The following LMBRD1 variants were observed in gnomAD, a reference collection of about 807,000 sequenced individuals.
LMBRD1 encodes LMBR1 domain containing 1, also known as lysosomal cobalamin transport escort protein LMBD1.
A neutral mutation model predicts 74.8 loss-of-function variants in LMBRD1; 64 were observed. That is an observed-to-expected ratio of 0.86 (90% CI 0.70 to 1.05). The LOEUF is 1.05. LMBRD1 is among the 50% of genes least tolerant of loss of function. The probability of loss-of-function intolerance (pLI) is 0.00; values close to 1 mark genes in which losing one functional copy is unlikely to be tolerated. For missense variants in LMBRD1, 652 were observed against 645.9 expected (o/e 1.01, Z -0.10); for synonymous variants, 204 against 216.3 (o/e 0.94, Z 0.50).
At chr6:69,735,305 G>A (rs755324112) in intron 7 of LMBRD1, among the ~76,000 whole-genome samples, 13 of 152,002 alleles carry the variant, frequency 8.6e-5, no homozygotes, top group Non-Finnish European at 1.8e-4. Flanking sequence ...CACCTAATAC[G>A]CACATCTTGG....
intron 5 of LMBRD1, among the ~76,000 whole-genome samples, chr6:69,743,738 A>C (rs1177315376): frequency 6.6e-6 from 1 of 152,206 alleles, no homozygotes; most frequent in African/African-American, 2.4e-5. Flanking sequence ...AATATCCATA[A>C]GTAGAACTCA....
Position 69,731,989 on chromosome 6 carries a change from AT to A in LMBRD1, c.636+5952del, listed in dbSNP as rs1401957783. 7.2e-5 allele frequency among the ~76,000 whole-genome samples: 11 copies of A among 152,306 alleles called. No individual in the cohort carries two copies. In the East Asian group the frequency reaches 1.7e-3, roughly 24 times the overall value. ...ACTAAATATAAAACAAAGATTATAA[AT>A]GATTAAGAAAAACTTGTCAGATTTT... is the stretch of plus-strand genomic sequence containing the variant. On this transcript the variant is annotated intron_variant, in intron 7 of 15. Transcript: ENST00000649934.
intron 8 of LMBRD1, among the ~76,000 whole-genome samples, chr6:69,715,641 G>T (rs1766472222): frequency 6.6e-6 from 1 of 151,946 alleles, no homozygotes; most frequent in South Asian, 2.1e-4. Context: ...CTTTCCTATG[G>T]TTTTTACTGT....
intron 2 of LMBRD1, among the ~76,000 whole-genome samples, chr6:69,785,846 A>G (rs887753589): frequency 6.6e-6 from 1 of 152,152 alleles, no homozygotes; most frequent in African/African-American, 2.4e-5. Flanking sequence ...ACCCTCAACA[A>G]TACATGTCAG....
chr6:69,705,359 A>G lies in LMBRD1; in HGVS notation c.916-3406T>C, dbSNP rs1582068141. 7.4e-6 allele frequency: 6 copies of G among 814,230 alleles called. No individual in the cohort carries two copies. The Admixed American group carries it at 8.6e-5, about 12-fold the overall frequency. The allele number at this position is 814,230 out of a possible 1,614,324, so 50.4% of individuals were successfully genotyped here. ...CAGTCATCCGGAAGCAATTCTTCATATAATTGATGAACTTGGCTTCCACTT... is the reference window on the plus strand; with the variant it reads ...CAGTCATCCGGAAGCAATTCTTCATGTAATTGATGAACTTGGCTTCCACTT... On this transcript the variant is annotated intron_variant, in intron 9 of 15. Coordinates refer to ENST00000649934, the MANE Select transcript of LMBRD1 (RefSeq NM_018368.4).
chr6:69,736,196 C>T (rs148370100), intron 7 of LMBRD1, among the ~76,000 whole-genome samples: 1 of 152,286 alleles, frequency 6.6e-6, no homozygotes, highest in African/African-American at 2.4e-5. Context: ...AATTGACCCC[C>T]CCTCCGCCGA....
chr6:69,697,442 A>G, intron 14 of LMBRD1, 121 bp downstream of exon 14: 1 of 726,016 alleles, frequency 1.4e-6, no homozygotes. Flanking sequence ...ACCAACCTCT[A>G]CTTGCTAAAA....
chr6:69,730,490 T>C (rs1005264222), intron 7 of LMBRD1, among the ~76,000 whole-genome samples: 2 of 152,216 alleles, frequency 1.3e-5, no homozygotes, highest in South Asian at 2.1e-4. Context: ...TTAATATCAG[T>C]GAAATTTGGA....
At chr6:69,790,610 C>T in intron 1 of LMBRD1, 138 bp from the exon 2 acceptor site, 1 of 801,948 alleles carries the variant, frequency 1.2e-6, no homozygotes, top group Non-Finnish European at 2.1e-6. Context: ...CCCACTATCC[C>T]TTAAAAACTT....
At chr6:69,707,558 C>A (rs972978500) in intron 9 of LMBRD1, among the ~76,000 whole-genome samples, 2 of 151,834 alleles carry the variant, frequency 1.3e-5, no homozygotes, top group Non-Finnish European at 2.9e-5. Flanking sequence ...CTTTAAACAC[C>A]GTTTATTTTT....
intron 9 of LMBRD1, chr6:69,706,228 C>T: frequency 7.7e-6 from 3 of 390,984 alleles, no homozygotes; most frequent in Non-Finnish European, 1.5e-5. Context: ...CTCAAGAGAA[C>T]AGCCGCACAG....
chr6:69,785,847 T>C (rs533157382), intron 2 of LMBRD1, among the ~76,000 whole-genome samples: 1 of 152,132 alleles, frequency 6.6e-6, no homozygotes, highest in Non-Finnish European at 1.5e-5. Context: ...CCCTCAACAA[T>C]ACATGTCAGC....
rs756224833 is a variant in LMBRD1, at chr6:69,701,993, A to T, written c.916-40T>A. 4.8e-6 allele frequency: 6 copies of T among 1,261,560 alleles called. No homozygotes were observed. The South Asian group carries it at 7.3e-5, about 15-fold the overall frequency. 78.1% of individuals were successfully genotyped at this position (1,261,560 alleles called of 1,614,324 possible). A position where few individuals can be genotyped will look rare whatever the true frequency, so the allele number is the denominator to read the frequency against. ...ATATTCATTAAAATATAGTTCTAAA[A>T]GTTGATATTAAAAGCACAAAATCAT... On this transcript the variant is annotated intron_variant, in intron 9 of 15. Transcript: ENST00000649934.
intron 2 of LMBRD1, among the ~76,000 whole-genome samples, chr6:69,789,346 A>C (rs1376794212): frequency 6.6e-6 from 1 of 152,076 alleles, no homozygotes; most frequent in African/African-American, 2.4e-5. Context: ...AACATGGCAA[A>C]ACCCCATCTC....
At chr6:69,747,616 A>G (rs1765014701) in intron 5 of LMBRD1, among the ~76,000 whole-genome samples, 2 of 152,174 alleles carry the variant, frequency 1.3e-5, no homozygotes, top group Non-Finnish European at 2.9e-5. Flanking sequence ...TACCATCAAC[A>G]TCTGGTATGT....
At chr6:69,780,757 AAC>A (rs1765815936) in intron 2 of LMBRD1, among the ~76,000 whole-genome samples, 1 of 152,216 alleles carries the variant, frequency 6.6e-6, no homozygotes, top group Non-Finnish European at 1.5e-5. Flanking sequence ...GTTCTGGGAA[AAC>A]ACAGACAAAA....
chr6:69,750,680 TG>T (rs1206562657), intron 4 of LMBRD1, among the ~76,000 whole-genome samples: 3 of 152,130 alleles, frequency 2.0e-5, no homozygotes, highest in African/African-American at 2.4e-5. Context: ...ATGTGCACTT[TG>T]GAAGAAGTGA....
In LMBRD1 at chr6:69,675,726, A is replaced by C. The variant is rs1024321112; in HGVS notation, c.*432T>G. 33 of 183,398 alleles carry C rather than the reference A, an allele frequency of 1.8e-4. No individual in the cohort carries two copies. The highest frequency in any genetic ancestry group is 3.4e-4 in the Non-Finnish European group (29 of 86,408). 11.4% of individuals were successfully genotyped at this position (183,398 alleles called of 1,614,324 possible). ...CAATTTGCATATGGGAGTAACATTC[A>C]TCAGCTATATTGTAAATATTATTTG... On this transcript the variant is annotated 3_prime_UTR_variant, in exon 16 of 16. Transcript: ENST00000649934.
intron 14 of LMBRD1, among the ~76,000 whole-genome samples, chr6:69,685,140 A>G (rs1582043851): frequency 1.4e-5 from 1 of 68,972 alleles, no homozygotes; most frequent in Non-Finnish European, 4.2e-5. Context: ...GAGCACACAC[A>G]TGTTTGGAGA....
Sources: gnomAD v4.1 joint callset for allele counts (sites outside exome capture counted in the v4.1 genomes callset) on GRCh38, gnomAD v4.1.1 for gene constraint, MANE v1.5 for transcripts, NCBI Gene and HGNC (gene_info 2026-07-23, HGNC 2026-07-21) for gene names.